The following SLC41A3 variants were observed in gnomAD, a reference collection of about 807,000 sequenced individuals.
SLC41A3 encodes solute carrier family 41 member 3, also known as SLC41A1-like 2.
SLC41A3 carries 44 observed loss-of-function variants against 45.4 expected under a neutral mutation model. The observed-to-expected ratio is 0.97, with a 90% confidence interval of 0.76 to 1.25. The LOEUF is 1.25. Ranked by LOEUF, SLC41A3 falls within the 50% of genes most tolerant of loss-of-function variation. The pLI is 0.00. For missense variants in SLC41A3, 550 were observed against 600.6 expected (o/e 0.92, Z 0.88); for synonymous variants, 256 against 252.4 (o/e 1.01, Z -0.13).
chr3:126,063,949 A>ACCCCCCCCC lies in SLC41A3; in HGVS notation c.273+3989_273+3997dup, dbSNP rs56806357. On this transcript the variant is annotated intron_variant, in intron 2 of 10. Coordinates refer to ENST00000360370, the MANE Select transcript of SLC41A3 (RefSeq NM_017836.4). ...ACAGGCACTGATTAAGCCAGATCCA[A>ACCCCCCCCC]CCCCCCCCCGGGGACACACACTCCC... Among the ~76,000 whole-genome samples the ACCCCCCCCC allele has an allele frequency of 1.0e-3, 104 of 101,856 alleles. 4 individuals carry two copies. The highest frequency in any genetic ancestry group is 1.6e-3 in the Admixed American group (13 of 8,260). 66.8% of individuals were successfully genotyped at this position (101,856 alleles called of 152,430 possible).
At chr3:126,053,772 A>G (rs953670035) in intron 2 of SLC41A3, among the ~76,000 whole-genome samples, 8 of 151,716 alleles carry the variant, frequency 5.3e-5, no homozygotes, top group Middle Eastern at 3.4e-3. Context: ...TGCCCATCCA[A>G]CTCTGGCTGA....
At chr3:126,008,648 C>A in intron 10 of SLC41A3, 84 bp downstream of exon 10, 23 of 1,579,664 alleles carry the variant, frequency 1.5e-5, no homozygotes, top group Non-Finnish European at 2.0e-5. Context: ...CACCCGCCTC[C>A]CTCAGCCTCT....
At chr3:126,024,065 G>A (rs879841982) in intron 5 of SLC41A3, 2 of 152,154 alleles carry the variant, frequency 1.3e-5, no homozygotes, top group Non-Finnish European at 2.9e-5. Flanking sequence ...ATCTTGCAAG[G>A]ACCATTTAAA....
intron 1 of SLC41A3, among the ~76,000 whole-genome samples, chr3:126,096,542 G>C (rs1019125254): frequency 2.0e-5 from 3 of 152,220 alleles, no homozygotes; most frequent in African/African-American, 7.2e-5. Flanking sequence ...GCCTGCCCAG[G>C]GTGGAAAACT....
Position 126,078,456 on chromosome 3 carries a change from G to A in SLC41A3, c.-28+5637C>T, listed in dbSNP as rs143986884. 3.8e-3 allele frequency among the ~76,000 whole-genome samples: 574 copies of A among 152,196 alleles called. 2 individuals carry two copies. The highest frequency in any genetic ancestry group is 5.8e-3 in the Non-Finnish European group (396 of 67,988). The stretch of plus-strand genomic sequence containing the variant: ...CGTACCACACAGAGCTGAGCTATCG[G>A]CCGGCTCTCCAGGCCCCACTCTGCT... On this transcript the variant is annotated intron_variant, in intron 1 of 10. Transcript: ENST00000360370.
Position 126,051,000 on chromosome 3 carries a change from G to T in SLC41A3, c.324C>A (p.Pro108=). ...CCAGGTTCCCCTTCAGGCCCACCAG[G>T]GGCGGCACCAATGTCAAAAGGTCTT... ...EVKDLLTLVP[P]LVGLKGNLEM... is the part of the protein sequence containing the mutation. The change falls in exon 3 of 11, where the codon CCC becomes CCA. Residue 108 remains proline, a synonymous_variant. Transcript: ENST00000360370. 2 of 1,612,566 alleles carry T rather than the reference G, an allele frequency of 1.2e-6. No homozygotes were observed. Among genetic ancestry groups the T allele is most frequent in the Non-Finnish European group, 1.7e-6 (2 of 1,179,304 alleles).
chr3:126,097,943 A>G (rs78697665), intron 1 of SLC41A3, among the ~76,000 whole-genome samples: 4,752 of 152,266 alleles, frequency 0.031, 149 homozygotes, highest in East Asian at 0.15. Flanking sequence ...TCTCCCCCTT[A>G]CACAGAGCAC....
In SLC41A3 at chr3:126,033,672, T is replaced by C. The variant is rs1293857636; in HGVS notation, c.388A>G (p.Thr130Ala). 7 of 1,612,634 alleles carry C rather than the reference T, an allele frequency of 4.3e-6. No individual in the cohort carries two copies. The highest frequency in any genetic ancestry group is 5.9e-6 in the Non-Finnish European group (7 of 1,179,754). The stretch of plus-strand genomic sequence containing the variant: ...TCCTGGGGGTCATCAATTTGTCCAG[T>C]GTTGGCCTAGAATGAAGAGAAAAGG... The part of the protein sequence containing the change: ...LASRLSTAAN[T>A]GQIDDPQEQH... The change falls in exon 4 of 11, where the codon ACT becomes GCT. Residue 130 changes from threonine (T) to alanine (A), a missense_variant. Thr to Ala is a moderately conservative substitution (Grantham distance 58, BLOSUM62 0). Transcript: ENST00000360370.
At chr3:126,033,573 T>C (rs774395123) in intron 4 of SLC41A3, 34 bp downstream of exon 4, 5 of 1,604,678 alleles carry the variant, frequency 3.1e-6, no homozygotes, top group Non-Finnish European at 3.4e-6. Context: ...GGCTGCAGAT[T>C]CAGAAGGGAG....
chr3:126,082,298 C>T (rs549214970), intron 1 of SLC41A3, among the ~76,000 whole-genome samples: 27 of 152,290 alleles, frequency 1.8e-4, no homozygotes, highest in African/African-American at 6.5e-4. Flanking sequence ...GCCAAGATGC[C>T]AGAAGATGCC....
At chr3:126,029,253 C>G (rs1393587643) in intron 4 of SLC41A3, among the ~76,000 whole-genome samples, 1 of 152,154 alleles carries the variant, frequency 6.6e-6, no homozygotes, top group Non-Finnish European at 1.5e-5. Context: ...GGAGGTGGAG[C>G]CAGGTGGGAG....
chr3:126,054,801 G>C (rs77579982), intron 2 of SLC41A3, among the ~76,000 whole-genome samples: 4,151 of 151,990 alleles, frequency 0.027, 135 homozygotes, highest in African/African-American at 0.08. Context: ...ACGCCTAATA[G>C]TCTCTCTCCC....
At chr3:126,018,652 T>C (rs1580410602) in intron 6 of SLC41A3, among the ~76,000 whole-genome samples, 1 of 152,258 alleles carries the variant, frequency 6.6e-6, no homozygotes, top group African/African-American at 2.4e-5. Context: ...GCAGCTTTGC[T>C]GAGGCTCTTC....
At chr3:126,036,219 G>A (rs977266725) in intron 3 of SLC41A3, among the ~76,000 whole-genome samples, 6 of 152,216 alleles carry the variant, frequency 3.9e-5, no homozygotes, top group Admixed American at 1.3e-4. Context: ...GGGCGCCAGC[G>A]CCAAGTATTC....
At chr3:126,015,223 G>A (rs949076422) in intron 8 of SLC41A3, among the ~76,000 whole-genome samples, 3 of 152,242 alleles carry the variant, frequency 2.0e-5, no homozygotes, top group Non-Finnish European at 4.4e-5. Context: ...CTGGAATTCG[G>A]TCCTGTCAGG....
intron 1 of SLC41A3, among the ~76,000 whole-genome samples, chr3:126,090,549 A>G (rs1040427000): frequency 2.4e-4 from 36 of 152,212 alleles, no homozygotes; most frequent in African/African-American, 8.7e-4. Flanking sequence ...CATATTTTTA[A>G]TTGGTGCCCT....
intron 3 of SLC41A3, among the ~76,000 whole-genome samples, chr3:126,037,019 C>A (rs1178200308): frequency 1.3e-5 from 2 of 152,172 alleles, no homozygotes; most frequent in Non-Finnish European, 2.9e-5. Flanking sequence ...TCCTCCAAAT[C>A]TCATGTGGAA....
At chr3:126,042,382 A>G (rs1374721133) in intron 3 of SLC41A3, among the ~76,000 whole-genome samples, 1 of 152,038 alleles carries the variant, frequency 6.6e-6, no homozygotes, top group Non-Finnish European at 1.5e-5. Context: ...AAACCCCCGA[A>G]AAGACCTTAA....
chr3:126,016,665 C>T, intron 7 of SLC41A3, 66 bp downstream of exon 7: 1 of 1,544,338 alleles, frequency 6.5e-7, no homozygotes, highest in African/African-American at 1.4e-5. Context: ...GTGAGTGTCA[C>T]CCTGGTTCTA....
Sources: allele counts gnomAD v4.1 joint callset (sites outside exome capture counted in the v4.1 genomes callset), GRCh38; gene constraint gnomAD v4.1.1; transcripts MANE v1.5; gene names NCBI Gene and HGNC (gene_info 2026-07-23, HGNC 2026-07-21).